The following PTPRD variants were observed in gnomAD, a reference collection of about 807,000 sequenced individuals.
PTPRD encodes receptor-type tyrosine-protein phosphatase delta.
A neutral mutation model predicts 214.5 loss-of-function variants in PTPRD; 34 were observed. The observed-to-expected ratio is 0.16, with a 90% CI of 0.12 to 0.21. PTPRD has a LOEUF of 0.21. PTPRD is among the 10% of genes least tolerant of loss of function. PTPRD has a pLI of 1.00. For missense variants in PTPRD, 2,545 were observed against 2,398.7 expected (o/e 1.06, Z -1.27); for synonymous variants, 1,128 against 845.7 (o/e 1.33, Z -5.79).
intron 8 of PTPRD, among the ~76,000 whole-genome samples, chr9:9,511,974 G>A (rs1255036992): frequency 1.3e-5 from 2 of 151,620 alleles, no homozygotes; most frequent in African/African-American, 4.8e-5. Flanking sequence ...ACATAATCTA[G>A]GAAATAGGTC....
In PTPRD at chr9:9,389,017, G is replaced by C. The variant is rs958040827; in HGVS notation, c.-203+8432C>G. On this transcript the variant is annotated intron_variant, in intron 9 of 45. Transcript: ENST00000381196. ...TTCAGTTTGTAATAGGAGTCTATGG[G>C]ATTGTCTCTGACTTTGGGCAAGTAA... is the stretch of plus-strand genomic sequence containing the variant. 3.3e-5 allele frequency among the ~76,000 whole-genome samples: 5 copies of C among 152,090 alleles called. No individual in the cohort carries two copies. The East Asian group carries it at 9.6e-4, about 29-fold the overall frequency.
intron 7 of PTPRD, among the ~76,000 whole-genome samples, chr9:9,629,743 A>G (rs1398489514): frequency 6.6e-6 from 1 of 152,080 alleles, no homozygotes; most frequent in African/African-American, 2.4e-5. Flanking sequence ...GGGGAAAGGA[A>G]TAGGCTCTTT....
chr9:10,279,401 G>C (rs1346683117), intron 3 of PTPRD, among the ~76,000 whole-genome samples: 2 of 152,058 alleles, frequency 1.3e-5, no homozygotes, highest in East Asian at 3.9e-4. Flanking sequence ...CCTGCTACTA[G>C]CTCATAAGAC....
chr9:9,301,101 C>G (rs548951145), intron 9 of PTPRD, among the ~76,000 whole-genome samples: 1 of 151,804 alleles, frequency 6.6e-6, no homozygotes, highest in South Asian at 2.1e-4. Context: ...ATTTAAGATT[C>G]TTGTGATTAA....
At chr9:8,416,392 A>G (rs1201472824) in intron 35 of PTPRD, among the ~76,000 whole-genome samples, 1 of 152,178 alleles carries the variant, frequency 6.6e-6, no homozygotes. Context: ...CAATTATTTT[A>G]TTTCCTTATG....
intron 3 of PTPRD, among the ~76,000 whole-genome samples, chr9:10,068,735 G>A (rs1249562550): frequency 3.3e-5 from 5 of 151,762 alleles, no homozygotes; most frequent in Non-Finnish European, 7.4e-5. Context: ...TTTCCAAGTT[G>A]GAGCAGGTGG....
At position 8,987,404 on chromosome 9, in the gene PTPRD, AT is replaced by A. The variant is rs559512860; in HGVS notation, c.-104+31292del. Among the ~76,000 whole-genome samples, 991 of 152,212 alleles carry A rather than the reference AT, an allele frequency of 6.5e-3. 3 individuals carry two copies. The highest frequency in any genetic ancestry group is 0.01 in the Non-Finnish European group (699 of 68,010). On this transcript the variant is annotated intron_variant, in intron 11 of 45. Transcript: ENST00000381196. ...GCAGTACATTAACACAATGATTACT[AT>A]GCTAATGCAGCTCCATCTTAGCTTT...
chr9:10,420,350 T>A (rs999886288), intron 2 of PTPRD, among the ~76,000 whole-genome samples: 2 of 151,910 alleles, frequency 1.3e-5, no homozygotes, highest in African/African-American at 4.8e-5. Context: ...TCAGATAATA[T>A]TGAAAATGGC....
At chr9:10,516,781 T>A (rs931353956) in intron 2 of PTPRD, among the ~76,000 whole-genome samples, 1 of 152,012 alleles carries the variant, frequency 6.6e-6, no homozygotes, top group Non-Finnish European at 1.5e-5. Context: ...AATTTTATTA[T>A]TTTGCATTTG....
chr9:9,917,370 G>A (rs1423695244), intron 5 of PTPRD, among the ~76,000 whole-genome samples: 4 of 129,190 alleles, frequency 3.1e-5, no homozygotes, highest in Non-Finnish European at 6.5e-5. Context: ...AGTCACAATG[G>A]AGATCACAGG....
chr9:10,419,230 A>G (rs1283762912), intron 2 of PTPRD, among the ~76,000 whole-genome samples: 1 of 151,944 alleles, frequency 6.6e-6, no homozygotes, highest in Non-Finnish European at 1.5e-5. Context: ...GTGATATCCC[A>G]TCAGTGGTCA....
intron 8 of PTPRD, among the ~76,000 whole-genome samples, chr9:9,564,495 T>G (rs2154295029): frequency 6.6e-6 from 1 of 152,230 alleles, no homozygotes; most frequent in South Asian, 2.1e-4. Flanking sequence ...TTCGAATTTC[T>G]TAGGCTGAGG....
chr9:9,928,135 T>G (rs985953759), intron 5 of PTPRD, among the ~76,000 whole-genome samples: 1 of 152,184 alleles, frequency 6.6e-6, no homozygotes, highest in African/African-American at 2.4e-5. Context: ...CCGTTAAAAT[T>G]CAACTTTACT....
chr9:8,694,799 T>G (rs2097875435), intron 12 of PTPRD, among the ~76,000 whole-genome samples: 1 of 152,230 alleles, frequency 6.6e-6, no homozygotes, highest in African/African-American at 2.4e-5. Flanking sequence ...CCTTCGGAGC[T>G]GCTTAAATCT....
At chr9:10,289,806 T>A (rs910073466) in intron 3 of PTPRD, among the ~76,000 whole-genome samples, 18 of 152,112 alleles carry the variant, frequency 1.2e-4, no homozygotes, top group Non-Finnish European at 2.6e-4. Context: ...ACATAGGATA[T>A]GTATACAAGA....
chr9:8,462,048 A>T lies in PTPRD; in HGVS notation c.3715-1477T>A, dbSNP rs578025753. Reference sequence around the variant, plus strand: ...GCTTTAACTATCAACCTCCATGCAGAATCTGTCTCTTCATTAATGTTCCTA... The same window carrying T: ...GCTTTAACTATCAACCTCCATGCAGTATCTGTCTCTTCATTAATGTTCCTA... On this transcript the variant is annotated intron_variant, in intron 32 of 45. Coordinates refer to ENST00000381196, the MANE Select transcript of PTPRD (RefSeq NM_002839.4). Among the ~76,000 whole-genome samples, 6 of 152,052 alleles carry T rather than the reference A, an allele frequency of 3.9e-5. No homozygotes were observed. The South Asian group carries it at 1.2e-3, about 32-fold the overall frequency.
intron 11 of PTPRD, among the ~76,000 whole-genome samples, chr9:8,830,036 G>C (rs1021665026): frequency 6.6e-6 from 1 of 152,104 alleles, no homozygotes; most frequent in Admixed American, 6.5e-5. Flanking sequence ...ACCAAAGTTT[G>C]AATCTGAGTC....
At chr9:8,895,114 T>C (rs1266181023) in intron 11 of PTPRD, among the ~76,000 whole-genome samples, 3 of 152,218 alleles carry the variant, frequency 2.0e-5, no homozygotes, top group Admixed American at 6.5e-5. Flanking sequence ...TGTTAGTAAC[T>C]ATATTAATTA....
intron 10 of PTPRD, among the ~76,000 whole-genome samples, chr9:9,073,764 T>C (rs62529482): frequency 0.3 from 45,297 of 152,076 alleles, 8,006 homozygotes; most frequent in Middle Eastern, 0.49. Context: ...GTATATCCTA[T>C]TGTGCCTGTT....
Sources: allele counts gnomAD v4.1 joint callset (sites outside exome capture counted in the v4.1 genomes callset), GRCh38; gene constraint gnomAD v4.1.1; transcripts MANE v1.5; gene names NCBI Gene and HGNC (gene_info 2026-07-23, HGNC 2026-07-21).